Variants in CYYR1 observed in about 807,000 individuals in gnomAD.
CYYR1 encodes the protein cysteine and tyrosine-rich protein 1.
In CYYR1, 14 loss-of-function variants were observed where a neutral mutation model predicts 15.2. The ratio of observed to expected loss-of-function variants is 0.92; its 90% confidence interval spans 0.61 to 1.44. The LOEUF (loss-of-function observed/expected upper bound fraction) is 1.44. Ranked by LOEUF, CYYR1 falls within the 40% of genes most tolerant of loss-of-function variation. CYYR1 has a pLI of 0.00. For synonymous variants in CYYR1, 80 were observed against 77.4 expected, an observed-to-expected ratio of 1.03 and a Z score of -0.18; for missense variants, 228 against 209.5, an observed-to-expected ratio of 1.09 and a Z score of -0.54.
At chr21:26,526,945 T>C (rs1407186724) in intron 2 of CYYR1, among the ~76,000 whole-genome samples, 1 of 152,212 alleles carries the variant, frequency 6.6e-6, no homozygotes, top group Non-Finnish European at 1.5e-5. Context: ...ACTATGGTCT[T>C]GTTAATTGTC....
In CYYR1 at chr21:26,468,395, C is replaced by G. The variant is rs959056023; in HGVS notation, c.*106G>C. The G allele has an allele frequency of 1.3e-5, 11 of 821,766 alleles. No homozygotes were observed. In the African/African-American group the frequency reaches 1.8e-4, roughly 14 times the overall value. The allele number at this position is 821,766 out of a possible 1,614,324, so 50.9% of individuals were successfully genotyped here. On this transcript the variant is annotated 3_prime_UTR_variant, in exon 4 of 4. Coordinates refer to ENST00000652641, the MANE Select transcript of CYYR1 (RefSeq NM_001320768.2). ...ATTCCACCTGACACATTATCTGACC[C>G]CAAAAAGTATTCCTTGGAGCAATTC...
rs568686744 is a variant in CYYR1, at chr21:26,540,971, T to C, written c.176+25295A>G. 2.0e-5 allele frequency among the ~76,000 whole-genome samples: 3 copies of C among 152,292 alleles called. No homozygotes were observed. The East Asian group carries it at 5.8e-4, about 29-fold the overall frequency. On this transcript the variant is annotated intron_variant, in intron 2 of 3. Coordinates refer to ENST00000652641, the MANE Select transcript of CYYR1 (RefSeq NM_001320768.2). ...TTAAAAAAGAACCAAATGGAAATTCTAGAAATGAGGAATAAAATATCTGAA... is the reference window on the plus strand; with the variant it reads ...TTAAAAAAGAACCAAATGGAAATTCCAGAAATGAGGAATAAAATATCTGAA...
intron 2 of CYYR1, among the ~76,000 whole-genome samples, chr21:26,486,117 T>C (rs931389674): frequency 6.6e-6 from 1 of 152,114 alleles, no homozygotes; most frequent in African/African-American, 2.4e-5. Context: ...TTTGCCCATA[T>C]TCTAATTGGA....
intron 2 of CYYR1, among the ~76,000 whole-genome samples, chr21:26,501,346 CAAAT>C (rs1334588088): frequency 2.6e-5 from 4 of 152,126 alleles, no homozygotes; most frequent in Admixed American, 6.5e-5. Flanking sequence ...AATAAATAAA[CAAAT>C]AAAATCAGCA....
intron 3 of CYYR1, among the ~76,000 whole-genome samples, chr21:26,478,930 G>A (rs937158210): frequency 2.6e-5 from 4 of 152,136 alleles, no homozygotes; most frequent in African/African-American, 9.7e-5. Flanking sequence ...AAGGCTGTGA[G>A]TGGACAGGGG....
At chr21:26,531,270 T>C (rs1481734807) in intron 2 of CYYR1, among the ~76,000 whole-genome samples, 1 of 152,148 alleles carries the variant, frequency 6.6e-6, no homozygotes, top group African/African-American at 2.4e-5. Flanking sequence ...TATTGCAAGA[T>C]TGTGTTATTC....
intron 2 of CYYR1, among the ~76,000 whole-genome samples, chr21:26,520,311 T>C (rs913393566): frequency 1.3e-5 from 2 of 151,632 alleles, no homozygotes; most frequent in South Asian, 4.2e-4. Context: ...CTCCTACTTA[T>C]AAATGAGAAC....
intron 2 of CYYR1, among the ~76,000 whole-genome samples, chr21:26,495,673 T>TGA (rs1256869300): frequency 6.6e-6 from 1 of 152,116 alleles, no homozygotes; most frequent in African/African-American, 2.4e-5. Flanking sequence ...AGCCGTGACT[T>TGA]GAGAGAGAGC....
intron 2 of CYYR1, among the ~76,000 whole-genome samples, chr21:26,506,232 A>G (rs2065560292): frequency 6.6e-6 from 1 of 152,096 alleles, no homozygotes; most frequent in South Asian, 2.1e-4. Flanking sequence ...ATTCTCACCC[A>G]TTAATTTTAC....
Position 26,495,656 on chromosome 21 carries a change from G to A in CYYR1, c.177-15227C>T, listed in dbSNP as rs189246485. Among the ~76,000 whole-genome samples, 267 of 152,310 alleles carry A rather than the reference G, an allele frequency of 1.8e-3. 1 individual carries two copies. The highest frequency in any genetic ancestry group is 5.8e-3 in the Admixed American group (88 of 15,304). On this transcript the variant is annotated intron_variant, in intron 2 of 3. Coordinates refer to ENST00000652641, the MANE Select transcript of CYYR1 (RefSeq NM_001320768.2). ...AGCCCACAATATGGAAGGAGGCGGAGTCACACAGCCGTGACTTGAGAGAGA... is the reference window on the plus strand; with the variant it reads ...AGCCCACAATATGGAAGGAGGCGGAATCACACAGCCGTGACTTGAGAGAGA...
chr21:26,478,095 A>G (rs765083523), intron 3 of CYYR1: 25 of 1,549,740 alleles, frequency 1.6e-5, no homozygotes, highest in Non-Finnish European at 2.0e-5. Flanking sequence ...TAGAGTGTTG[A>G]ACAAAATAGA....
chr21:26,563,389 T>C (rs1258373388), intron 2 of CYYR1, among the ~76,000 whole-genome samples: 1 of 151,912 alleles, frequency 6.6e-6, no homozygotes, highest in African/African-American at 2.4e-5. Context: ...CTGGACAACA[T>C]GGTGAAAACC....
intron 2 of CYYR1, among the ~76,000 whole-genome samples, 188 bp from the exon 3 acceptor site, chr21:26,480,617 G>C (rs1028074476): frequency 3.3e-5 from 5 of 150,996 alleles, no homozygotes; most frequent in African/African-American, 1.2e-4. Flanking sequence ...CAAATAGTCT[G>C]TATTTCAATA....
At chr21:26,524,637 C>T (rs2065842199) in intron 2 of CYYR1, among the ~76,000 whole-genome samples, 1 of 147,748 alleles carries the variant, frequency 6.8e-6, no homozygotes. Context: ...TTAGTAATGT[C>T]TTGCCCTTCT....
At position 26,468,411 on chromosome 21, in the gene CYYR1, G is replaced by C. The variant is rs1367672221; in HGVS notation, c.*90C>G. ...TATCTGACCCCAAAAAGTATTCCTT[G>C]GAGCAATTCTTTCCTGCCTGTTTCT... On this transcript the variant is annotated 3_prime_UTR_variant, in exon 4 of 4. Transcript: ENST00000652641. The C allele has an allele frequency of 1.1e-6, 1 of 870,362 alleles. No homozygotes were observed. 53.9% of individuals were successfully genotyped at this position (870,362 alleles called of 1,614,324 possible).
chr21:26,486,293 T>C (rs2065246591), intron 2 of CYYR1, among the ~76,000 whole-genome samples: 1 of 152,112 alleles, frequency 6.6e-6, no homozygotes, highest in African/African-American at 2.4e-5. Context: ...TCATTTTTTT[T>C]CTTTTATGGA....
chr21:26,538,033 T>C (rs59128112), intron 2 of CYYR1, among the ~76,000 whole-genome samples: 6,903 of 152,278 alleles, frequency 0.045, 178 homozygotes, highest in Non-Finnish European at 0.048. Context: ...GCAGCCTGAA[T>C]GGACTAAGAC....
At chr21:26,472,617 G>A (rs2065049983) in intron 3 of CYYR1, among the ~76,000 whole-genome samples, 1 of 151,798 alleles carries the variant, frequency 6.6e-6, no homozygotes, top group South Asian at 2.1e-4. Context: ...TTGTTGCTCT[G>A]GACTGGTGAT....
At chr21:26,509,706 G>T (rs1458577587) in intron 2 of CYYR1, among the ~76,000 whole-genome samples, 1 of 152,150 alleles carries the variant, frequency 6.6e-6, no homozygotes, top group East Asian at 1.9e-4. Context: ...TCATCCTATA[G>T]CTCCACCATC....
Sources: gnomAD v4.1 joint callset for allele counts (sites outside exome capture counted in the v4.1 genomes callset) on GRCh38, gnomAD v4.1.1 for gene constraint, MANE v1.5 for transcripts, NCBI Gene and HGNC (gene_info 2026-07-23, HGNC 2026-07-21) for gene names.